The following UBAP2L variants were observed in gnomAD, a reference collection of about 807,000 sequenced individuals.
UBAP2L encodes ubiquitin associated protein 2 like.
UBAP2L carries 12 observed loss-of-function variants against 130.6 expected under a neutral mutation model. That is an observed-to-expected ratio of 0.09 (90% confidence interval 0.06 to 0.15). UBAP2L has a LOEUF of 0.15. Ranked by LOEUF, UBAP2L falls within the 10% of genes least tolerant of loss-of-function variation. The pLI is 1.00. For missense variants in UBAP2L, 965 were observed against 1,332.5 expected, an observed-to-expected ratio of 0.72 and a Z score of 4.29; for synonymous variants, 503 against 524.7, an observed-to-expected ratio of 0.96 and a Z score of 0.57.
intron 8 of UBAP2L, among the ~76,000 whole-genome samples, 176 bp from the exon 9 acceptor site, chr1:154,241,337 C>T (rs1462773472): frequency 6.6e-6 from 1 of 152,142 alleles, no homozygotes; most frequent in African/African-American, 2.4e-5. Context: ...ATCCACCCAC[C>T]TCGGCCTCTC....
At chr1:154,228,540 C>G in intron 3 of UBAP2L, 75 bp from the exon 4 acceptor site, 1 of 1,147,696 alleles carries the variant, frequency 8.7e-7, no homozygotes, top group Non-Finnish European at 1.3e-6. Flanking sequence ...ATAGCGTTTC[C>G]CTTCACCTAG....
Position 154,254,087 on chromosome 1 carries a change from A to C in UBAP2L, c.1852A>C (p.Lys618Gln). The C allele has an allele frequency of 6.5e-7, 1 of 1,546,962 alleles. No homozygotes were observed. Residue 618 changes from lysine to glutamine, a missense_variant and splice_region_variant, in exon 15 of 27, where the codon AAG (lysine) becomes CAG (glutamine). Lys to Gln is a moderately conservative substitution (Grantham distance 53). Coordinates refer to ENST00000428931, the MANE Select transcript of UBAP2L (RefSeq NM_014847.4). Reference sequence around the variant, plus strand: ...ACCCCAAAAGGACCTGACTCAGGCAAAGGTAGTGGCTTCATGAACCCTTGG... The same window carrying C: ...ACCCCAAAAGGACCTGACTCAGGCACAGGTAGTGGCTTCATGAACCCTTGG... ...SSPQKDLTQA[K>Q]NGFSSVQATQ...
chr1:154,266,398 T>A (rs1488078262), intron 24 of UBAP2L, 103 bp from the exon 25 acceptor site: 1 of 1,253,732 alleles, frequency 8.0e-7, no homozygotes, highest in Non-Finnish European at 1.2e-6. Context: ...AAAATTCCCT[T>A]GCATTGGTAT....
At chr1:154,256,754 C>T (rs748676153) in intron 18 of UBAP2L, among the ~76,000 whole-genome samples, 3 of 152,208 alleles carry the variant, frequency 2.0e-5, no homozygotes, top group Non-Finnish European at 4.4e-5. Context: ...TCAACTCTCT[C>T]TGTTCCTTTA....
At position 154,255,157 on chromosome 1, in the gene UBAP2L, A is replaced by G; in HGVS notation, c.1915A>G (p.Thr639Ala). The G allele has an allele frequency of 6.2e-7, 1 of 1,613,986 alleles. No individual in the cohort carries two copies. Residue 639 changes from threonine to alanine, a missense_variant, in exon 17 of 27, where the codon ACA becomes GCA. By Grantham distance (58) the Thr-to-Ala change is moderately conservative. This residue lies in a region of UBAP2L where 393 missense variants were observed against 408.1 expected (regional missense o/e 0.96). Coordinates refer to ENST00000428931, the MANE Select transcript of UBAP2L (RefSeq NM_014847.4). ...LQTTQSVEGA[T>A]GSAVKSDSPS... is the part of the protein sequence containing the mutation. ...CCTTTCTTCTAAATTTCTAGGTGCT[A>G]CAGGCTCTGCAGTGAAATCTGATTC... is the stretch of plus-strand genomic sequence containing the variant.
chr1:154,239,518 C>T (rs1403846400), intron 8 of UBAP2L, among the ~76,000 whole-genome samples: 1 of 152,130 alleles, frequency 6.6e-6, no homozygotes, highest in Non-Finnish European at 1.5e-5. Context: ...TTGCTTTCTG[C>T]TAATGGAATG....
chr1:154,249,192 C>A, intron 11 of UBAP2L, 47 bp from the exon 12 acceptor site: 2 of 1,595,846 alleles, frequency 1.3e-6, no homozygotes, highest in Non-Finnish European at 1.7e-6. Context: ...AGTAGCTGAA[C>A]AAGGTTACTG....
intron 2 of UBAP2L, among the ~76,000 whole-genome samples, chr1:154,225,494 T>C (rs1571573840): frequency 6.6e-6 from 1 of 152,010 alleles, no homozygotes; most frequent in East Asian, 1.9e-4. Context: ...TGTTTTAAGA[T>C]AGGAGCTCCC....
In UBAP2L at chr1:154,246,388, C is replaced by T. The variant is rs769742731; in HGVS notation, c.1014+13C>T. 1.2e-5 allele frequency: 20 copies of T among 1,606,622 alleles called. 1 individual carries two copies. The highest frequency in any genetic ancestry group is 1.9e-4 in the Middle Eastern group (1 of 5,358). Reference sequence around the variant, plus strand: ...TCATCACAGTATGGTGAGTAGGAAACGTGGTTTATCCTAATCAAACCTTCC... The same window carrying T: ...TCATCACAGTATGGTGAGTAGGAAATGTGGTTTATCCTAATCAAACCTTCC... On this transcript the variant is annotated intron_variant, in intron 11 of 26. Transcript: ENST00000428931.
chr1:154,224,972 T>C (rs981661956), intron 1 of UBAP2L, 112 bp from the exon 2 acceptor site: 12 of 633,422 alleles, frequency 1.9e-5, no homozygotes, highest in East Asian at 2.8e-5. Flanking sequence ...ATGAATCTTA[T>C]TGATTTGTTC....
intron 24 of UBAP2L, 26 bp downstream of exon 24, chr1:154,261,723 G>C (rs750986032): frequency 3.7e-6 from 6 of 1,607,478 alleles, no homozygotes; most frequent in South Asian, 2.2e-5. Context: ...CTCTGGCTCG[G>C]TGTTATCTGT....
In UBAP2L at chr1:154,270,366, T is replaced by C; in HGVS notation, c.*71T>C. On this transcript the variant is annotated 3_prime_UTR_variant, in exon 27 of 27. Transcript: ENST00000428931. ...CAGCCTGGAAACTATGGAAACAGCA[T>C]CAAAGAGAAAGGAATGTGGGGGGTT... 1 of 1,603,718 alleles carries C rather than the reference T, an allele frequency of 6.2e-7. No homozygotes were observed. Among genetic ancestry groups the C allele is most frequent in the Non-Finnish European group, 8.5e-7 (1 of 1,176,098 alleles).
At chr1:154,236,760 T>TAAAGAAA in intron 7 of UBAP2L, 149 bp downstream of exon 7, 1 of 775,032 alleles carries the variant, frequency 1.3e-6, no homozygotes, top group Admixed American at 2.5e-5. Flanking sequence ...CTTTACCACC[T>TAAAGAAA]GGATCATTAC....
chr1:154,248,613 G>A (rs1193374560), intron 11 of UBAP2L, among the ~76,000 whole-genome samples: 2 of 152,036 alleles, frequency 1.3e-5, no homozygotes, highest in African/African-American at 2.4e-5. Context: ...TCAGGAGATC[G>A]AGACCATCCT....
chr1:154,258,154 A>T (rs1367221733), intron 20 of UBAP2L, among the ~76,000 whole-genome samples: 3 of 152,124 alleles, frequency 2.0e-5, no homozygotes, highest in Non-Finnish European at 4.4e-5. Flanking sequence ...AAATTTTTTT[A>T]GAGACAGGGT....
chr1:154,271,507 T>C (rs976410777), downstream of UBAP2L: 2 of 152,232 alleles, frequency 1.3e-5, no homozygotes, highest in Non-Finnish European at 2.9e-5. Context: ...AATGGACTAC[T>C]GTAGTAGTGG....
chr1:154,235,104 A>G, intron 5 of UBAP2L, 92 bp from the exon 6 acceptor site: 2 of 680,408 alleles, frequency 2.9e-6, no homozygotes, highest in Non-Finnish European at 5.3e-6. Flanking sequence ...TACCATTTAT[A>G]TATTTGTATA....
At chr1:154,267,828 A>G (rs999854829) in intron 25 of UBAP2L, among the ~76,000 whole-genome samples, 3 of 146,216 alleles carry the variant, frequency 2.1e-5, no homozygotes, top group South Asian at 4.2e-4. Context: ...TGATGTTCAC[A>G]TATGACATTC....
rs142645648 is a variant in UBAP2L, at chr1:154,243,203, C to T, written c.757-14C>T. Reference sequence around the variant, plus strand: ...TCCCTGACACCAAGAGTGACTAATCCCTCTGTTTTCCAGCTTTCTGAGACC... The same window carrying T: ...TCCCTGACACCAAGAGTGACTAATCTCTCTGTTTTCCAGCTTTCTGAGACC... On this transcript the variant is annotated splice_polypyrimidine_tract_variant and intron_variant, in intron 9 of 26. Transcript: ENST00000428931. 1.1e-4 allele frequency: 170 copies of T among 1,602,760 alleles called. 1 individual carries two copies. The African/African-American group carries it at 2.1e-3, about 20-fold the overall frequency.
Sources: allele counts gnomAD v4.1 joint callset (sites outside exome capture counted in the v4.1 genomes callset), GRCh38; gene constraint gnomAD v4.1.1; regional missense constraint gnomAD v4.1.1; transcripts MANE v1.5; gene names NCBI Gene and HGNC (gene_info 2026-07-23, HGNC 2026-07-21).